SIDT2: variants seen among roughly 807,000 people sequenced by gnomAD.
SIDT2 encodes the protein SID1 transmembrane family, member 2.
In SIDT2, 68 loss-of-function variants were observed where a neutral mutation model predicts 114.4. The ratio of observed to expected loss-of-function variants is 0.59; its 90% confidence interval spans 0.49 to 0.73. The LOEUF is 0.73. SIDT2 is among the 30% of genes least tolerant of loss of function. The pLI is 0.00. For synonymous variants in SIDT2, 470 were observed against 438.4 expected (o/e 1.07, Z -0.90); for missense variants, 918 against 1,097.1 (o/e 0.84, Z 2.31).
At chr11:117,186,472 G>A (rs2134252709) in intron 9 of SIDT2, 112 bp from the exon 10 acceptor site, 2 of 1,120,774 alleles carry the variant, frequency 1.8e-6, no homozygotes, top group East Asian at 2.4e-5. Context: ...AAGGGTGGAG[G>A]ACAGGGTCAT....
intron 12 of SIDT2, 197 bp downstream of exon 12, chr11:117,187,896 C>A: frequency 1.4e-6 from 1 of 701,460 alleles, no homozygotes. Flanking sequence ...TTGAAGGGCA[C>A]GACCAGTTCA....
At position 117,186,608 on chromosome 11, in the gene SIDT2, G is replaced by A. The variant is rs753718397; in HGVS notation, c.987G>A (p.Val329=). The part of the protein sequence containing the change: ...NWRQKKKTLL[V]AIDRACPESG... ...GGCAGAAGAAGAAGACCCTGCTGGTGGCCATTGACCGAGCCTGCCCAGAAA... is the reference window on the plus strand; with the variant it reads ...GGCAGAAGAAGAAGACCCTGCTGGTAGCCATTGACCGAGCCTGCCCAGAAA... Residue 329 remains valine (V), a synonymous_variant, in exon 10 of 26, where the codon GTG becomes GTA. Transcript: ENST00000324225. The A allele has an allele frequency of 6.4e-6, 10 of 1,571,578 alleles. No homozygotes were observed. The highest frequency in any genetic ancestry group is 1.4e-5 in the African/African-American group (1 of 73,294).
At chr11:117,189,289 C>G in intron 14 of SIDT2, 46 bp from the exon 15 acceptor site, 1 of 1,613,974 alleles carries the variant, frequency 6.2e-7, no homozygotes, top group African/African-American at 1.3e-5. Flanking sequence ...GGGTGTGTGG[C>G]AGCCTTGGGT....
chr11:117,182,019 G>T, intron 3 of SIDT2, 41 bp from the exon 4 acceptor site: 1 of 1,614,012 alleles, frequency 6.2e-7, no homozygotes, highest in Non-Finnish European at 8.5e-7. Context: ...TCTTCCCCAG[G>T]CTCCGGGGGT....
In SIDT2 at chr11:117,183,883, A is replaced by T; in HGVS notation, c.802+5A>T. The stretch of plus-strand genomic sequence containing the variant: ...CTTTCTACCCCTTCGCAGAAGGTAC[A>T]TTTTGTGCCCTGGGCCTGGCTAGGG... On this transcript the variant is annotated splice_donor_5th_base_variant and intron_variant, in intron 7 of 25. Coordinates refer to ENST00000324225, the MANE Select transcript of SIDT2 (RefSeq NM_001040455.2). 6.2e-7 allele frequency: 1 copy of T among 1,610,704 alleles called. No homozygotes were observed. The highest frequency in any genetic ancestry group is 1.7e-5 in the Admixed American group (1 of 59,984).
In SIDT2 at chr11:117,192,709, G is replaced by T. The variant is rs892767397; in HGVS notation, c.2058+59G>T. 1.2e-6 allele frequency: 2 copies of T among 1,612,222 alleles called. No individual in the cohort carries two copies. The highest frequency in any genetic ancestry group is 1.3e-5 in the African/African-American group (1 of 74,908). ...ATCTCCTTTCTTCCCTCTGATGGGG[G>T]AGTGGGGCTGGGCTGAGGACCCAGG... On this transcript the variant is annotated intron_variant, in intron 21 of 25. Transcript: ENST00000324225. The surrounding 1 kb of genome is among the most constrained non-coding windows in gnomAD (Gnocchi z 5.9).
Position 117,184,159 on chromosome 11 carries a change from G to C in SIDT2, c.868+20G>C. On this transcript the variant is annotated intron_variant, in intron 8 of 25. Transcript: ENST00000324225. The stretch of plus-strand genomic sequence containing the variant: ...TCACGTGTGAGTGCTGCAGGTGGCT[G>C]AGAGGGGATGGACAAGCCTCTCTGG... 1 of 1,611,592 alleles carries C rather than the reference G, an allele frequency of 6.2e-7. No homozygotes were observed. Among genetic ancestry groups the C allele is most frequent in the Non-Finnish European group, 8.5e-7 (1 of 1,178,786 alleles).
In SIDT2 at chr11:117,193,902, G is replaced by C. The variant is rs760216039; in HGVS notation, c.2261G>C (p.Cys754Ser). ...IKLIPLLCIV[C>S]TSVVWGFALF... ...CTCATCCCCCTGCTCTGCATCGTTTGCACCTCCGTGGTCTGGGGCTTCGCG... is the reference window on the plus strand; with the variant it reads ...CTCATCCCCCTGCTCTGCATCGTTTCCACCTCCGTGGTCTGGGGCTTCGCG... Residue 754 changes from cysteine to serine, a missense_variant, in exon 24 of 26, where the codon TGC becomes TCC. Around this residue, in one of 4 missense-constraint regions of SIDT2, gnomAD observed 275 missense variants for 397.6 expected, o/e 0.69. Coordinates refer to ENST00000324225, the MANE Select transcript of SIDT2 (RefSeq NM_001040455.2). 2 of 1,614,018 alleles carry C rather than the reference G, an allele frequency of 1.2e-6. No homozygotes were observed.
intron 1 of SIDT2, chr11:117,179,680 C>CA: frequency 1.9e-6 from 1 of 519,822 alleles, no homozygotes; most frequent in South Asian, 2.6e-5. Flanking sequence ...ATCTTCTCTT[C>CA]CGCCCCCATT....
rs1367652095 is a variant in SIDT2 at position 117,192,078 on chromosome 11, G to C, written c.1872+64G>C. The C allele has an allele frequency of 3.1e-6, 5 of 1,604,098 alleles. No individual in the cohort carries two copies. In the South Asian group the frequency reaches 5.5e-5, roughly 18 times the overall value. Reference sequence around the variant, plus strand: ...GAAAGGTGCACGTGCGTTCAGACACGTAGTGCACACCCTCCGCCACCTCCT... The same window carrying C: ...GAAAGGTGCACGTGCGTTCAGACACCTAGTGCACACCCTCCGCCACCTCCT... On this transcript the variant is annotated intron_variant, in intron 19 of 25. Transcript: ENST00000324225. This position sits in a 1 kb window ranked among gnomAD's most constrained non-coding sequence, Gnocchi z 5.9.
intron 18 of SIDT2, chr11:117,191,297 G>C (rs1356729620): frequency 2.0e-5 from 3 of 152,094 alleles, no homozygotes; most frequent in African/African-American, 7.3e-5. Flanking sequence ...AAAGAAGGGG[G>C]CCCTGGCTGG....
intron 6 of SIDT2, 50 bp downstream of exon 6, chr11:117,182,856 T>C (rs774858899): frequency 6.4e-7 from 1 of 1,571,642 alleles, no homozygotes; most frequent in African/African-American, 1.4e-5. Flanking sequence ...CGATAAGCTG[T>C]GTAGCTTTCC....
intron 13 of SIDT2, 108 bp from the exon 14 acceptor site, chr11:117,189,061 C>T (rs956499357): frequency 5.8e-6 from 7 of 1,209,158 alleles, no homozygotes; most frequent in Admixed American, 1.7e-5. Context: ...ACCCTGCCCC[C>T]CTGAATTCGG....
chr11:117,192,242 G>A lies in SIDT2; in HGVS notation c.1873-12G>A. ...TCCACCCTCACCGCTGCCCTTGGTG[G>A]CCTCCCGACAGGTCTTTGGCAAAGG... On this transcript the variant is annotated splice_polypyrimidine_tract_variant and intron_variant, in intron 19 of 25. Coordinates refer to ENST00000324225, the MANE Select transcript of SIDT2 (RefSeq NM_001040455.2). This position sits in a 1 kb window ranked among gnomAD's most constrained non-coding sequence, Gnocchi z 5.9. 1 of 1,568,834 alleles carries A rather than the reference G, an allele frequency of 6.4e-7. No individual in the cohort carries two copies. Among genetic ancestry groups the A allele is most frequent in the South Asian group, 1.1e-5 (1 of 90,110 alleles).
intron 8 of SIDT2, among the ~76,000 whole-genome samples, chr11:117,184,692 C>T (rs1194736630): frequency 6.6e-6 from 1 of 152,054 alleles, no homozygotes; most frequent in African/African-American, 2.4e-5. Context: ...TTAAATGGGG[C>T]CCTAAGGGAC....
Position 117,179,204 on chromosome 11 carries a change from C to G in SIDT2, c.-60C>G. The stretch of plus-strand genomic sequence containing the variant: ...CAGCCGCAACCCGTCCCGGAGGTGT[C>G]CTGTCTCCTGTCGCCGCCGCCGCCG... On this transcript the variant is annotated 5_prime_UTR_variant, in exon 1 of 26. Transcript: ENST00000324225. The G allele has an allele frequency of 1.3e-6, 2 of 1,550,174 alleles. No individual in the cohort carries two copies. The highest frequency in any genetic ancestry group is 1.8e-6 in the Non-Finnish European group (2 of 1,142,640).
At chr11:117,189,490 A>C in intron 15 of SIDT2, 89 bp downstream of exon 15, 1 of 1,401,374 alleles carries the variant, frequency 7.1e-7, no homozygotes, top group Non-Finnish European at 9.9e-7. Context: ...CTGGTGTTCC[A>C]TCACAGGACC....
intron 15 of SIDT2, chr11:117,189,743 G>C: frequency 1.6e-6 from 1 of 611,248 alleles, no homozygotes; most frequent in Admixed American, 2.8e-5. Flanking sequence ...ATGCCTCAGG[G>C]TTTTCAGCCA....
chr11:117,182,631 T>C lies in SIDT2; in HGVS notation c.618+11T>C. ...ATTCAGGATGTGCTGGTGAGTTGCC[T>C]GCCCTTTTGCTCTTCCCCAGCAGGC... On this transcript the variant is annotated intron_variant, in intron 5 of 25. Coordinates refer to ENST00000324225, the MANE Select transcript of SIDT2 (RefSeq NM_001040455.2). The C allele has an allele frequency of 1.2e-6, 2 of 1,614,162 alleles. No individual in the cohort carries two copies. The highest frequency in any genetic ancestry group is 1.7e-6 in the Non-Finnish European group (2 of 1,179,956).
Sources: gnomAD v4.1 joint callset for allele counts (sites outside exome capture counted in the v4.1 genomes callset) on GRCh38, gnomAD v4.1.1 for gene constraint, gnomAD v4.1.1 regional missense constraint, Gnocchi (gnomAD v3.1) non-coding constraint, MANE v1.5 for transcripts, NCBI Gene and HGNC (gene_info 2026-07-23, HGNC 2026-07-21) for gene names.